WDR12: variants seen among roughly 807,000 people sequenced by gnomAD.
WDR12 encodes WD repeat domain 12.
In WDR12, 42 loss-of-function variants were observed where a neutral mutation model predicts 64.3. The observed-to-expected ratio is 0.65, with a 90% CI of 0.51 to 0.84. The LOEUF (loss-of-function observed/expected upper bound fraction) is 0.84, where lower values mean the gene tolerates loss of function less well. Among genes scored for constraint, WDR12 ranks in the 40% least tolerant of loss-of-function variants. The pLI, the probability that WDR12 is intolerant of heterozygous loss-of-function variation, is 0.00. For missense variants in WDR12, 469 were observed against 494.6 expected, an observed-to-expected ratio of 0.95 and a Z score of 0.49; for synonymous variants, 158 against 173.3, an observed-to-expected ratio of 0.91 and a Z score of 0.70.
chr2:202,905,966 C>T (rs1422284750), intron 2 of WDR12, among the ~76,000 whole-genome samples: 1 of 152,036 alleles, frequency 6.6e-6, no homozygotes, highest in African/African-American at 2.4e-5. Context: ...TTTGATAGCA[C>T]AACTGGATGA....
chr2:202,903,159 T>C (rs913410635), intron 2 of WDR12, among the ~76,000 whole-genome samples: 6 of 152,110 alleles, frequency 3.9e-5, no homozygotes, highest in Non-Finnish European at 7.4e-5. Context: ...AGAACCCTAA[T>C]ATATACATCA....
chr2:202,890,720 G>A (rs1235521976), intron 8 of WDR12, among the ~76,000 whole-genome samples: 1 of 150,374 alleles, frequency 6.7e-6, no homozygotes, highest in Admixed American at 6.6e-5. Flanking sequence ...GCAGTGAGCC[G>A]AGATCACGCC....
chr2:202,900,526 T>C (rs1036391005), intron 3 of WDR12, among the ~76,000 whole-genome samples: 4 of 152,184 alleles, frequency 2.6e-5, no homozygotes, highest in African/African-American at 7.2e-5. Context: ...TTTTATGTTA[T>C]GTATATTTTA....
At position 202,907,899 on chromosome 2, in the gene WDR12, A is replaced by G; in HGVS notation, c.102T>C (p.Ser34=). 6.2e-7 allele frequency: 1 copy of G among 1,614,092 alleles called. No individual in the cohort carries two copies. The highest frequency in any genetic ancestry group is 8.5e-7 in the Non-Finnish European group (1 of 1,179,978). ...CCTTTAGTAGTTTATTGATGATGTTACTAAGGTCGGCAATTTCAGAGGCAG... is the reference window on the plus strand; with the variant it reads ...CCTTTAGTAGTTTATTGATGATGTTGCTAAGGTCGGCAATTTCAGAGGCAG... The part of the protein sequence containing the change: ...IPAASEIADL[S]NIINKLLKDK... Residue 34 remains serine (S), a synonymous_variant, in exon 2 of 13, where the codon AGT becomes AGC. Coordinates refer to ENST00000261015, the MANE Select transcript of WDR12 (RefSeq NM_018256.4).
At chr2:202,895,517 C>CTTTTTTTTTTTTT (rs901435872) in intron 6 of WDR12, among the ~76,000 whole-genome samples, 12 of 111,528 alleles carry the variant, frequency 1.1e-4, no homozygotes, top group Non-Finnish European at 2.1e-4. Context: ...TCATTTCTTT[C>CTTTTTTTTTTTTT]TTTTTTTTTT....
intron 6 of WDR12, 132 bp from the exon 7 acceptor site, chr2:202,894,758 T>A: frequency 1.5e-6 from 1 of 659,970 alleles, no homozygotes; most frequent in Non-Finnish European, 2.4e-6. Flanking sequence ...ATTAGCCTTT[T>A]TCCAGGGGCA....
At position 202,894,517 on chromosome 2, in the gene WDR12, G is replaced by C. The variant is rs528653161; in HGVS notation, c.655+64C>G. The C allele has an allele frequency of 4.0e-5, 57 of 1,417,452 alleles. No homozygotes were observed. In the African/African-American group the frequency reaches 7.8e-4, roughly 19 times the overall value. 87.8% of individuals were successfully genotyped at this position (1,417,452 alleles called of 1,614,324 possible). A position where few individuals can be genotyped will look rare whatever the true frequency, so the allele number is the denominator to read the frequency against. On this transcript the variant is annotated intron_variant, in intron 7 of 12. Coordinates refer to ENST00000261015, the MANE Select transcript of WDR12 (RefSeq NM_018256.4). Reference sequence around the variant, plus strand: ...GATTATAGGCGTAAGCCACCATATAGCCTCCGAATTTAAATTTTTGAAACA... The same window carrying C: ...GATTATAGGCGTAAGCCACCATATACCCTCCGAATTTAAATTTTTGAAACA...
chr2:202,896,276 T>C, intron 5 of WDR12, 57 bp from the exon 6 acceptor site: 1 of 1,517,990 alleles, frequency 6.6e-7, no homozygotes, highest in Non-Finnish European at 8.8e-7. Context: ...TTAGAATACA[T>C]CATGTTCTGA....
At chr2:202,907,271 T>C (rs1688475138) in intron 2 of WDR12, among the ~76,000 whole-genome samples, 1 of 152,212 alleles carries the variant, frequency 6.6e-6, no homozygotes, top group African/African-American at 2.4e-5. Context: ...CATTGATATT[T>C]TTACATACAT....
chr2:202,891,178 A>G (rs1688150690), intron 8 of WDR12, among the ~76,000 whole-genome samples: 1 of 151,922 alleles, frequency 6.6e-6, no homozygotes, highest in Admixed American at 6.6e-5. Flanking sequence ...TTTATTTTTT[A>G]TTTTATTTTT....
rs931309857 is a variant in WDR12 at position 202,911,418 on chromosome 2, G to A, written c.41+18C>T. ...AAGGAACCTGGGGAAGGGAGAGAAG[G>A]CTGGAACGCTTACTTACTTCTTGTT... is the stretch of plus-strand genomic sequence containing the variant. On this transcript the variant is annotated intron_variant, in intron 1 of 12. Coordinates refer to ENST00000261015, the MANE Select transcript of WDR12 (RefSeq NM_018256.4). 4.3e-6 allele frequency: 7 copies of A among 1,613,700 alleles called. No homozygotes were observed. The highest frequency in any genetic ancestry group is 5.9e-6 in the Non-Finnish European group (7 of 1,179,604).
At chr2:202,882,569 C>CT in intron 12 of WDR12, 142 bp downstream of exon 12, 1 of 690,242 alleles carries the variant, frequency 1.4e-6, no homozygotes, top group Non-Finnish European at 2.5e-6. Context: ...ACCTCGTGAT[C>CT]TGCCCACCTT....
chr2:202,907,436 T>C (rs577761614), intron 2 of WDR12, among the ~76,000 whole-genome samples: 1 of 152,322 alleles, frequency 6.6e-6, no homozygotes, highest in East Asian at 1.9e-4. Context: ...GTATTCATAC[T>C]GTCATTTTGA....
intron 1 of WDR12, 55 bp downstream of exon 1, chr2:202,911,381 G>A: frequency 6.4e-7 from 1 of 1,561,350 alleles, no homozygotes; most frequent in African/African-American, 1.4e-5. Flanking sequence ...TCATACCAAA[G>A]GGGTGGTCGG....
Position 202,894,609 on chromosome 2 carries a change from C to A in WDR12, c.627G>T (p.Trp209Cys). 1 of 1,606,320 alleles carries A rather than the reference C, an allele frequency of 6.2e-7. No individual in the cohort carries two copies. Among genetic ancestry groups the A allele is most frequent in the Admixed American group, 1.7e-5 (1 of 58,906 alleles). The stretch of plus-strand genomic sequence containing the variant: ...TAGACCAGATCTTTAGCATCTTATC[C>A]CAGGAGCCACTGCAAAACTAAACAG... Reference protein sequence around the residue: ...GSGTKFCSGSWDKMLKIWSTV... With the variant: ...GSGTKFCSGSCDKMLKIWSTV... The change falls in exon 7 of 13, where the codon TGG becomes TGT. Residue 209 changes from tryptophan to cysteine, a missense_variant. By Grantham distance (215) the Trp-to-Cys change is radical. Transcript: ENST00000261015.
rs1430425814 is a variant in WDR12 at position 202,884,387 on chromosome 2, T to C, written c.882+8A>G. ...TTATCACTTAAAAGAACACTGAATT[T>C]GTCTTACCAAAGTTGACTTAAGACT... On this transcript the variant is annotated splice_region_variant and intron_variant, in intron 9 of 12. Transcript: ENST00000261015. 1.2e-6 allele frequency: 2 copies of C among 1,614,058 alleles called. No homozygotes were observed. Among genetic ancestry groups the C allele is most frequent in the South Asian group, 2.2e-5 (2 of 91,012 alleles).
chr2:202,889,323 T>C (rs1250120302), intron 8 of WDR12, among the ~76,000 whole-genome samples: 1 of 151,998 alleles, frequency 6.6e-6, no homozygotes, highest in Non-Finnish European at 1.5e-5. Context: ...CCAGAATACA[T>C]AAATAACTCT....
At chr2:202,893,066 ATAAAG>A (rs1688181494) in intron 7 of WDR12, among the ~76,000 whole-genome samples, 2 of 152,080 alleles carry the variant, frequency 1.3e-5, no homozygotes, top group African/African-American at 4.8e-5. Flanking sequence ...GGAGGGAAGG[ATAAAG>A]TAAACACATG....
intron 10 of WDR12, 78 bp downstream of exon 10, chr2:202,884,119 CT>C (rs908074015): frequency 4.5e-5 from 66 of 1,478,654 alleles, no homozygotes; most frequent in Non-Finnish European, 5.7e-5. Flanking sequence ...CCAGAAATTC[CT>C]TTTTTTGTAC....
Sources: gnomAD v4.1 joint callset for allele counts (sites outside exome capture counted in the v4.1 genomes callset) on GRCh38, gnomAD v4.1.1 for gene constraint, MANE v1.5 for transcripts, NCBI Gene and HGNC (gene_info 2026-07-23, HGNC 2026-07-21) for gene names.